IGFN1: variants seen among roughly 807,000 people sequenced by gnomAD.
IGFN1 encodes the protein immunoglobulin-like and fibronectin type III domain-containing protein 1.
Under a neutral mutation model 289.5 loss-of-function variants are expected in IGFN1, and 253 were observed. The observed-to-expected ratio is 0.87, with a 90% confidence interval of 0.79 to 0.97. IGFN1 has a LOEUF of 0.97. Ranked by LOEUF, IGFN1 falls within the 50% of genes least tolerant of loss-of-function variation. The probability of loss-of-function intolerance (pLI) is 0.00; values close to 1 mark genes in which losing one functional copy is unlikely to be tolerated. For missense variants in IGFN1, 4,470 were observed against 4,686.1 expected (o/e 0.95, Z 1.35); for synonymous variants, 1,706 against 1,788.5 (o/e 0.95, Z 1.16).
In IGFN1 at chr1:201,209,013, G is replaced by GATGAAA; in HGVS notation, c.4121_4126dup (p.Glu1375_Thr1376insAsnGlu). On this transcript the variant is annotated inframe_insertion, in exon 12 of 24. Transcript: ENST00000335211. ...GGGTTCCAGGGAAATCGGGTCAATG[G>GATGAAA]ATGAAACAGATAATAGGAAAGATTT... The GATGAAA allele has an allele frequency of 6.5e-7, 1 of 1,536,728 alleles. No individual in the cohort carries two copies.
intron 3 of IGFN1, among the ~76,000 whole-genome samples, chr1:201,195,182 C>A (rs920023312): frequency 6.6e-6 from 1 of 151,466 alleles, no homozygotes. Flanking sequence ...GATGGAGTCT[C>A]GCTCTGTTGC....
rs1406761237 is a variant in IGFN1 at position 201,224,810 on chromosome 1, C to T, written c.10422C>T (p.Tyr3474=). 1 of 1,614,198 alleles carries T rather than the reference C, an allele frequency of 6.2e-7. No individual in the cohort carries two copies. The highest frequency in any genetic ancestry group is 1.1e-5 in the South Asian group (1 of 91,076). The change falls in exon 21 of 24, where the codon TAC becomes TAT. Residue 3474 remains tyrosine, a synonymous_variant. Transcript: ENST00000335211. The part of the protein sequence containing the change: ...PVAGLSDSGL[Y]TVVLRTLQGK... ...CTGGACTCTCAGACAGTGGTCTCTA[C>T]ACTGTGGTGCTGAGGACCCTGCAGG...
intron 3 of IGFN1, among the ~76,000 whole-genome samples, chr1:201,195,636 T>A (rs17508253): frequency 6.6e-6 from 1 of 152,108 alleles, no homozygotes; most frequent in Non-Finnish European, 1.5e-5. Flanking sequence ...GAGGAAGCAC[T>A]GCCTTCTGGG....
chr1:201,207,337 C>T lies in IGFN1; in HGVS notation c.2444C>T (p.Ser815Phe). ...GAGTATGACCCCAGAAGCTTCCAGT[C>T]TTCCCAGGGCTGGACAGCAGGTCAC... ...EVEYDPRSFQ[S>F]SQGWTAGHRA... Residue 815 changes from serine to phenylalanine, a missense_variant, in exon 12 of 24, where the codon TCT becomes TTT. Around this residue, in one of 8 missense-constraint regions of IGFN1, gnomAD observed 2,011 missense variants for 1,953.4 expected, o/e 1.03. Coordinates refer to ENST00000335211, the MANE Select transcript of IGFN1 (RefSeq NM_001164586.2). 3 of 1,536,960 alleles carry T rather than the reference C, an allele frequency of 2.0e-6. No homozygotes were observed. Among genetic ancestry groups the T allele is most frequent in the Non-Finnish European group, 2.6e-6 (3 of 1,146,904 alleles).
intron 15 of IGFN1, chr1:201,216,094 G>A (rs1051812964): frequency 1.3e-5 from 9 of 690,082 alleles, no homozygotes; most frequent in African/African-American, 1.1e-4. Flanking sequence ...TGGGCCCTCA[G>A]GAAGTTGCTG....
Position 201,211,387 on chromosome 1 carries a change from G to C in IGFN1, c.6494G>C (p.Gly2165Ala). The C allele has an allele frequency of 6.7e-7, 1 of 1,490,932 alleles. No homozygotes were observed. The highest frequency in any genetic ancestry group is 8.9e-7 in the Non-Finnish European group (1 of 1,118,474). 92.4% of individuals were successfully genotyped at this position (1,490,932 alleles called of 1,614,324 possible). The change falls in exon 12 of 24, where the codon GGG (glycine) becomes GCG (alanine). Residue 2165 changes from glycine (G) to alanine (A), a missense_variant. Physicochemically the swap from Gly to Ala is moderately conservative, Grantham distance 60 (BLOSUM62 0). Coordinates refer to ENST00000335211, the MANE Select transcript of IGFN1 (RefSeq NM_001164586.2). ...AAGGCAGGTTTTAGGGATGGTTTAG[G>C]GAGTTCTGGGGAAATGGGGTCAATG... Reference protein sequence around the residue: ...ESKAGFRDGLGSSGEMGSMDE... With the variant: ...ESKAGFRDGLASSGEMGSMDE...
At position 201,211,547 on chromosome 1, in the gene IGFN1, G is replaced by C; in HGVS notation, c.6654G>C (p.Leu2218Phe). ...SVNKAGYRKD[L>F]GAPKGMGSGS... ...ATAAGGCAGGTTATAGGAAGGATTT[G>C]GGGGCTCCTAAGGGAATGGGTTCAG... The change falls in exon 12 of 24, where the codon TTG becomes TTC. Residue 2218 changes from leucine (L) to phenylalanine (F), a missense_variant. Transcript: ENST00000335211. 1.3e-6 allele frequency: 2 copies of C among 1,521,154 alleles called. No individual in the cohort carries two copies. Among genetic ancestry groups the C allele is most frequent in the Non-Finnish European group, 1.8e-6 (2 of 1,138,514 alleles). 94.2% of individuals were successfully genotyped at this position (1,521,154 alleles called of 1,614,324 possible). A position where few individuals can be genotyped will look rare whatever the true frequency, so the allele number is the denominator to read the frequency against.
chr1:201,214,979 G>A (rs1199941325), intron 13 of IGFN1, 34 bp from the exon 14 acceptor site: 1 of 1,605,004 alleles, frequency 6.2e-7, no homozygotes. Flanking sequence ...GATGGGAGTG[G>A]GGTGACCTTC....
intron 5 of IGFN1, 115 bp downstream of exon 5, chr1:201,197,432 C>T (rs1040889978): frequency 8.9e-6 from 6 of 674,016 alleles, no homozygotes; most frequent in Non-Finnish European, 1.3e-5. Flanking sequence ...CCCATCCAGG[C>T]TGCTGCCGCT....
Position 201,207,302 on chromosome 1 carries a change from G to C in IGFN1, c.2409G>C (p.Ser803=). 6.5e-7 allele frequency: 1 copy of C among 1,536,726 alleles called. No homozygotes were observed. ...ATGGCCAGGAAACAGCTTGGGCCTC[G>C]GGTGAGGTAGAGTATGACCCCAGAA... ...GRDGQETAWA[S]GEVEYDPRSF... Residue 803 remains serine, a synonymous_variant, in exon 12 of 24, where the codon TCG becomes TCC. Transcript: ENST00000335211.
At position 201,212,372 on chromosome 1, in the gene IGFN1, G is replaced by A. The variant is rs1410070839; in HGVS notation, c.7479G>A (p.Trp2493Ter). Residue 2493 changes from tryptophan to a stop codon, truncating the protein, a stop_gained, in exon 12 of 24, where the codon TGG becomes TGA. Coordinates refer to ENST00000335211, the MANE Select transcript of IGFN1 (RefSeq NM_001164586.2). LOFTEE classifies it high-confidence loss of function. ...AGGGAAAACCAGATGTCAAAGAATG[G>A]CAAGACAGTTCTGGGACTCCAGGGT... ...GAKGKPDVKE[W>*]QDSSGTPGSS... 6.5e-7 allele frequency: 1 copy of A among 1,536,900 alleles called. No individual in the cohort carries two copies. Among genetic ancestry groups the A allele is most frequent in the South Asian group, 1.2e-5 (1 of 84,060 alleles).
chr1:201,207,051 C>T lies in IGFN1; in HGVS notation c.2158C>T (p.Gln720Ter). 5 of 1,536,930 alleles carry T rather than the reference C, an allele frequency of 3.3e-6. No individual in the cohort carries two copies. Among genetic ancestry groups the T allele is most frequent in the Non-Finnish European group, 4.4e-6 (5 of 1,146,864 alleles). The change falls in exon 12 of 24, where the codon CAG (glutamine) becomes TAG (stop). Residue 720 changes from glutamine to a stop codon, truncating the protein, a stop_gained. Coordinates refer to ENST00000335211, the MANE Select transcript of IGFN1 (RefSeq NM_001164586.2). LOFTEE classifies it high-confidence loss of function. ...CTGGGGGTCAGGAGAGTTGCTAGAA[C>T]AGATACCTGGAGGCAAGGACTTCCA... ...GYWGSGELLE[Q>*]IPGGKDFQEP...
At chr1:201,196,403 G>A (rs1381068819) in intron 4 of IGFN1, among the ~76,000 whole-genome samples, 3 of 152,190 alleles carry the variant, frequency 2.0e-5, no homozygotes, top group Admixed American at 1.3e-4. Flanking sequence ...GGAGTGCAAT[G>A]GCGTGATCTT....
chr1:201,209,102 G>T lies in IGFN1; in HGVS notation c.4209G>T (p.Gly1403=), dbSNP rs865921243. The T allele has an allele frequency of 6.5e-7, 1 of 1,535,562 alleles. No homozygotes were observed. The highest frequency in any genetic ancestry group is 8.7e-7 in the Non-Finnish European group (1 of 1,146,376). Residue 1403 remains glycine, a synonymous_variant, in exon 12 of 24, where the codon GGG becomes GGT. Coordinates refer to ENST00000335211, the MANE Select transcript of IGFN1 (RefSeq NM_001164586.2). ...RAGLRGPGEM[G]SLDESGHRNG... is the part of the protein sequence containing the mutation. ...GTTTAAGGGGTCCTGGGGAGATGGG[G>T]TCACTGGATGAGTCAGGTCATAGGA...
intron 18 of IGFN1, 96 bp from the exon 19 acceptor site, chr1:201,221,347 CA>C: frequency 1.0e-6 from 1 of 983,212 alleles, no homozygotes; most frequent in Non-Finnish European, 1.5e-6. Flanking sequence ...TAAGTGAAAA[CA>C]ATTCCCAGTC....
chr1:201,203,248 G>A (rs1485395983), intron 9 of IGFN1, among the ~76,000 whole-genome samples: 3 of 152,160 alleles, frequency 2.0e-5, no homozygotes, highest in Non-Finnish European at 4.4e-5. Flanking sequence ...TATTCAGCAA[G>A]TAGCAAACCT....
At chr1:201,222,691 C>G in intron 19 of IGFN1, 48 bp from the exon 20 acceptor site, 3 of 1,417,336 alleles carry the variant, frequency 2.1e-6, no homozygotes, top group Non-Finnish European at 3.0e-6. Context: ...GGGCTGGGGT[C>G]CAACTGTGAG....
At position 201,215,749 on chromosome 1, in the gene IGFN1, G is replaced by T. The variant is rs1205819665; in HGVS notation, c.9206G>T (p.Ser3069Ile). The change falls in exon 15 of 24, where the codon AGC becomes ATC. Residue 3069 changes from serine (S) to isoleucine (I), a missense_variant. Physicochemically the swap from Ser to Ile is moderately radical, Grantham distance 142. Coordinates refer to ENST00000335211, the MANE Select transcript of IGFN1 (RefSeq NM_001164586.2). The part of the protein sequence containing the change: ...GDGYTRLCLP[S>I]AGRKDCGQYS... ...GGCTACACGCGGCTGTGCCTCCCCA[G>T]CGCAGGCAGGAAGGACTGTGGCCAG... 1.9e-6 allele frequency: 3 copies of T among 1,609,742 alleles called. No homozygotes were observed. The East Asian group carries it at 6.7e-5, about 36-fold the overall frequency.
chr1:201,213,410 A>T lies in IGFN1; in HGVS notation c.8517A>T (p.Gly2839=). 6.2e-7 allele frequency: 1 copy of T among 1,613,960 alleles called. No homozygotes were observed. The highest frequency in any genetic ancestry group is 8.5e-7 in the Non-Finnish European group (1 of 1,179,934). Residue 2839 remains glycine, a synonymous_variant, in exon 12 of 24, where the codon GGA becomes GGT. Transcript: ENST00000335211. Reference sequence around the variant, plus strand: ...AGAGAAGGGGAGCAGACGAGGCTGGAAGCATGGGGTGGCAGCCTATGGGAG... The same window carrying T: ...AGAGAAGGGGAGCAGACGAGGCTGGTAGCATGGGGTGGCAGCCTATGGGAG... ...GGKRRGADEA[G]SMGWQPMGEN... is the part of the protein sequence containing the mutation.
Sources: gnomAD v4.1 joint callset for allele counts (sites outside exome capture counted in the v4.1 genomes callset) on GRCh38, gnomAD v4.1.1 for gene constraint, gnomAD v4.1.1 regional missense constraint, MANE v1.5 for transcripts, NCBI Gene and HGNC (gene_info 2026-07-23, HGNC 2026-07-21) for gene names.